ANO6: variants seen among roughly 807,000 people sequenced by gnomAD.
ANO6 encodes anoctamin-6.
ANO6 carries 106 observed loss-of-function variants against 117.5 expected under a neutral mutation model. The observed-to-expected ratio is 0.90, with a 90% CI of 0.77 to 1.06. ANO6 has a LOEUF of 1.06. Ranked by LOEUF, ANO6 falls within the 50% of genes least tolerant of loss-of-function variation. ANO6 has a pLI of 0.00. For missense variants in ANO6, 955 were observed against 1,121.1 expected (o/e 0.85, Z 2.12); for synonymous variants, 367 against 385.1 (o/e 0.95, Z 0.55).
chr12:45,423,175 T>A, intron 19 of ANO6, 113 bp downstream of exon 19: 1 of 824,128 alleles, frequency 1.2e-6, no homozygotes, highest in East Asian at 2.4e-5. Flanking sequence ...TATCACTTGC[T>A]AATATTTTAG....
chr12:45,216,484 G>A, intron 1 of ANO6, 93 bp downstream of exon 1: 1 of 1,446,246 alleles, frequency 6.9e-7, no homozygotes, highest in Admixed American at 2.0e-5. Context: ...CTCTCCGCGG[G>A]GGAGGTTGGC....
At chr12:45,240,840 G>T (rs1947731052) in intron 1 of ANO6, among the ~76,000 whole-genome samples, 1 of 152,134 alleles carries the variant, frequency 6.6e-6, no homozygotes, top group Admixed American at 6.5e-5. Flanking sequence ...GAGATTCTGG[G>T]TTGAAAATTC....
chr12:45,434,870 A>G (rs1302450274), downstream of ANO6, among the ~76,000 whole-genome samples: 2 of 152,234 alleles, frequency 1.3e-5, no homozygotes, highest in African/African-American at 4.8e-5. Flanking sequence ...CCCATAGAGA[A>G]CTATCACATA....
intron 2 of ANO6, among the ~76,000 whole-genome samples, chr12:45,312,402 A>C (rs1316751803): frequency 2.0e-5 from 3 of 152,088 alleles, no homozygotes; most frequent in African/African-American, 7.2e-5. Flanking sequence ...CTTGGTGGGC[A>C]TGTACACACA....
chr12:45,340,606 G>A (rs1023442764), intron 3 of ANO6, among the ~76,000 whole-genome samples: 3 of 152,084 alleles, frequency 2.0e-5, no homozygotes, highest in Non-Finnish European at 4.4e-5. Context: ...AAGGTTTCCA[G>A]TAAGGCACAT....
chr12:45,242,092 A>G (rs1340305302), intron 1 of ANO6, among the ~76,000 whole-genome samples: 1 of 151,846 alleles, frequency 6.6e-6, no homozygotes, highest in East Asian at 1.9e-4. Flanking sequence ...GAGAACCACT[A>G]CTCTCTCCGG....
intron 3 of ANO6, among the ~76,000 whole-genome samples, chr12:45,332,113 G>T (rs1283281318): frequency 6.6e-6 from 1 of 151,924 alleles, no homozygotes; most frequent in Non-Finnish European, 1.5e-5. Context: ...TATTAAAACA[G>T]TAGGGCAGGT....
In ANO6 at chr12:45,407,368, A is replaced by G. The variant is rs142565015; in HGVS notation, c.1881-1989A>G. Among the ~76,000 whole-genome samples, 557 of 151,610 alleles carry G rather than the reference A, an allele frequency of 3.7e-3. 5 individuals are homozygous for G. The highest frequency in any genetic ancestry group is 0.013 in the African/African-American group (521 of 41,420). ...AAGGATTCAGCAAGAGGCGGAGGCT[A>G]GAAGTTTGGGAGGCAAAGCAAAGTA... On this transcript the variant is annotated intron_variant, in intron 15 of 19. Coordinates refer to ENST00000320560, the MANE Select transcript of ANO6 (RefSeq NM_001025356.3).
chr12:45,272,558 G>T (rs1938427465), intron 1 of ANO6, among the ~76,000 whole-genome samples: 1 of 152,186 alleles, frequency 6.6e-6, no homozygotes, highest in Admixed American at 6.5e-5. Context: ...TTCTCCAGAA[G>T]AGACATTATT....
intron 9 of ANO6, among the ~76,000 whole-genome samples, chr12:45,373,616 G>C (rs1565728898): frequency 1.3e-5 from 2 of 152,046 alleles, no homozygotes; most frequent in Admixed American, 6.6e-5. Flanking sequence ...TGACTACTGG[G>C]TACATAACGA....
At chr12:45,325,191 A>T (rs1202694609) in intron 2 of ANO6, among the ~76,000 whole-genome samples, 2 of 152,186 alleles carry the variant, frequency 1.3e-5, no homozygotes, top group African/African-American at 2.4e-5. Flanking sequence ...TGGTTGTAGC[A>T]ATATTATTTT....
At chr12:45,307,104 T>A (rs1038655046) in intron 2 of ANO6, among the ~76,000 whole-genome samples, 2 of 152,142 alleles carry the variant, frequency 1.3e-5, no homozygotes, top group African/African-American at 4.8e-5. Context: ...GTAAAGACTT[T>A]GGTTTTACTC....
intron 1 of ANO6, among the ~76,000 whole-genome samples, chr12:45,295,227 C>G (rs1404584150): frequency 6.6e-6 from 1 of 152,200 alleles, no homozygotes; most frequent in Non-Finnish European, 1.5e-5. Flanking sequence ...CTGAGTGGCT[C>G]TATTTTAAAA....
At chr12:45,303,594 T>C (rs1939568336) in intron 2 of ANO6, among the ~76,000 whole-genome samples, 1 of 152,222 alleles carries the variant, frequency 6.6e-6, no homozygotes. Context: ...CTTGAGTGTA[T>C]TGCGATGTTG....
rs972506718 is a variant in ANO6 at position 45,216,206 on chromosome 12, G to A, written c.-116G>A. On this transcript the variant is annotated 5_prime_UTR_variant, in exon 1 of 20. Coordinates refer to ENST00000320560, the MANE Select transcript of ANO6 (RefSeq NM_001025356.3). Reference sequence around the variant, plus strand: ...GCTGGCTGGGCTCAGCGGCCCCTGAGCCCAAGCGACACACGCCCCGCGGTC... The same window carrying A: ...GCTGGCTGGGCTCAGCGGCCCCTGAACCCAAGCGACACACGCCCCGCGGTC... 6.4e-6 allele frequency: 8 copies of A among 1,246,350 alleles called. No homozygotes were observed. In the African/African-American group the frequency reaches 1.2e-4, roughly 19 times the overall value. The allele number at this position is 1,246,350 out of a possible 1,614,324, so 77.2% of individuals were successfully genotyped here.
In ANO6 at chr12:45,424,340, T is replaced by G. The variant is rs11183024; in HGVS notation, c.2526+1278T>G. 5.7e-4 allele frequency among the ~76,000 whole-genome samples: 68 copies of G among 119,536 alleles called. No homozygotes were observed. In the Middle Eastern group the frequency reaches 0.02, roughly 36 times the overall value. The allele number at this position is 119,536 out of a possible 152,430, so 78.4% of individuals were successfully genotyped here. A position where few individuals can be genotyped will look rare whatever the true frequency, so the allele number is the denominator to read the frequency against. ...ACTAGGTGATGGGTTTTTTTTTTTT[T>G]TTTTTTTTTTTTTTTAAAGACAGAG... On this transcript the variant is annotated intron_variant, in intron 19 of 19. Transcript: ENST00000320560.
intron 1 of ANO6, among the ~76,000 whole-genome samples, chr12:45,242,829 C>T (rs777351095): frequency 6.6e-6 from 1 of 151,374 alleles, no homozygotes; most frequent in South Asian, 2.2e-4. Flanking sequence ...GAAAAGCTTA[C>T]AATTTTTCAC....
At chr12:45,263,929 TA>T (rs1938130914) in intron 1 of ANO6, among the ~76,000 whole-genome samples, 1 of 152,200 alleles carries the variant, frequency 6.6e-6, no homozygotes. Context: ...TTTTCCCCTT[TA>T]AACGTATCTG....
chr12:45,416,955 T>A, intron 17 of ANO6, 51 bp downstream of exon 17: 1 of 1,569,128 alleles, frequency 6.4e-7, no homozygotes, highest in South Asian at 1.1e-5. Flanking sequence ...TGCATTAGAT[T>A]TGCTACCTAA....
Sources: allele counts gnomAD v4.1 joint callset (sites outside exome capture counted in the v4.1 genomes callset), GRCh38; gene constraint gnomAD v4.1.1; transcripts MANE v1.5; gene names NCBI Gene and HGNC (gene_info 2026-07-23, HGNC 2026-07-21).